The following LRP2 variants were observed in gnomAD, a reference collection of about 807,000 sequenced individuals.
LRP2 encodes the protein low-density lipoprotein receptor-related protein 2.
A neutral mutation model predicts 531.0 loss-of-function variants in LRP2; 172 were observed. That is an observed-to-expected ratio of 0.32 (90% CI 0.29 to 0.37). LRP2 has a LOEUF of 0.37. Ranked by LOEUF, LRP2 falls within the 10% of genes least tolerant of loss-of-function variation. LRP2 has a pLI of 1.00. For synonymous variants in LRP2, 1,992 were observed against 2,027.6 expected (o/e 0.98, Z 0.47); for missense variants, 5,167 against 5,868.3 (o/e 0.88, Z 3.90).
Position 169,182,159 on chromosome 2 carries a change from G to C in LRP2, c.9998+8C>G, listed in dbSNP as rs763628511. ...AAAGAAAAGCCCAGGATTGCAGGGAGACAATACCCATATTGAGGGTGAAGG... is the reference window on the plus strand; with the variant it reads ...AAAGAAAAGCCCAGGATTGCAGGGACACAATACCCATATTGAGGGTGAAGG... On this transcript the variant is annotated splice_region_variant and intron_variant, in intron 51 of 78. Coordinates refer to ENST00000649046, the MANE Select transcript of LRP2 (RefSeq NM_004525.3). 6.2e-7 allele frequency: 1 copy of C among 1,614,062 alleles called. No individual in the cohort carries two copies. Among genetic ancestry groups the C allele is most frequent in the Non-Finnish European group, 8.5e-7 (1 of 1,179,970 alleles).
rs925936001 is a variant in LRP2, at chr2:169,320,782, C to T, written c.182G>A (p.Gly61Asp). The T allele has an allele frequency of 6.2e-7, 1 of 1,613,910 alleles. No individual in the cohort carries two copies. The highest frequency in any genetic ancestry group is 8.5e-7 in the Non-Finnish European group (1 of 1,179,790). Reference protein sequence around the residue: ...KDCSDDADEIGCAVVTCQQGY... With the variant: ...KDCSDDADEIDCAVVTCQQGY... ...CCTGGCCCCTCCTCACTTACCGCAG[C>T]CAATTTCATCCGCGTCATCTGAACA... is the stretch of plus-strand genomic sequence containing the variant. Residue 61 changes from glycine (G) to aspartate (D), a missense_variant, in exon 2 of 79, where the codon GGC (glycine) becomes GAC (aspartate). Coordinates refer to ENST00000649046, the MANE Select transcript of LRP2 (RefSeq NM_004525.3).
intron 38 of LRP2, among the ~76,000 whole-genome samples, chr2:169,208,794 G>A (rs1470149761): frequency 6.6e-6 from 1 of 152,070 alleles, no homozygotes; most frequent in Admixed American, 6.6e-5. Context: ...TACTCACCAA[G>A]CTTGATTCAA....
At chr2:169,356,241 C>T (rs972102706) in intron 1 of LRP2, among the ~76,000 whole-genome samples, 5 of 152,144 alleles carry the variant, frequency 3.3e-5, no homozygotes, top group Non-Finnish European at 5.9e-5. Flanking sequence ...GACAGTTTAA[C>T]TTAGTTTTGT....
chr2:169,152,989 G>T, intron 66 of LRP2, 25 bp from the exon 67 acceptor site: 1 of 1,611,516 alleles, frequency 6.2e-7, no homozygotes, highest in Non-Finnish European at 8.5e-7. Flanking sequence ...ACACAGGTCA[G>T]TTTCATGTCA....
chr2:169,246,977 G>T lies in LRP2; in HGVS notation c.2918C>A (p.Ala973Asp). 6.2e-7 allele frequency: 1 copy of T among 1,614,072 alleles called. No homozygotes were observed. The change falls in exon 21 of 79, where the codon GCC becomes GAC. Residue 973 changes from alanine (A) to aspartate (D), a missense_variant. Ala to Asp is a moderately radical substitution (Grantham distance 126). Around this residue, in one of 6 missense-constraint regions of LRP2, gnomAD observed 2,811 missense variants for 3,058.0 expected, o/e 0.92. Coordinates refer to ENST00000649046, the MANE Select transcript of LRP2 (RefSeq NM_004525.3). ...YDVNIQTGSN[A>D]CNQPTHPNGD... ...GTTAGGATGCGTGGGTTGATTACAG[G>T]CGTTAGAACCTGCAAAAGCAAAGCC...
chr2:169,201,932 A>G, intron 43 of LRP2, 62 bp from the exon 44 acceptor site: 1 of 1,597,080 alleles, frequency 6.3e-7, no homozygotes, highest in South Asian at 1.1e-5. Flanking sequence ...TAATTTTTAA[A>G]AAGATACAAT....
intron 1 of LRP2, among the ~76,000 whole-genome samples, chr2:169,333,054 C>T (rs1037213630): frequency 2.0e-5 from 3 of 151,952 alleles, no homozygotes; most frequent in African/African-American, 7.3e-5. Context: ...AAAAGATTTC[C>T]AACAATAAGT....
intron 56 of LRP2, among the ~76,000 whole-genome samples, chr2:169,173,615 T>C (rs1687080078): frequency 6.6e-6 from 1 of 152,214 alleles, no homozygotes; most frequent in South Asian, 2.1e-4. Flanking sequence ...CTCATAACAT[T>C]TCTCTGTGGC....
chr2:169,156,150 C>A (rs561412118), intron 65 of LRP2, 124 bp downstream of exon 65: 7 of 1,320,194 alleles, frequency 5.3e-6, no homozygotes, highest in South Asian at 1.3e-5. Context: ...AAGCAGCTGG[C>A]GAGTTTAAAA....
At chr2:169,328,456 A>G (rs1456689864) in intron 1 of LRP2, among the ~76,000 whole-genome samples, 9 of 147,190 alleles carry the variant, frequency 6.1e-5, no homozygotes, top group South Asian at 4.2e-4. Flanking sequence ...AAAAAAAAAA[A>G]AAAAAAAAGA....
At chr2:169,333,553 T>A (rs831025) in intron 1 of LRP2, among the ~76,000 whole-genome samples, 54,109 of 151,302 alleles carry the variant, frequency 0.36, 9,983 homozygotes, top group African/African-American at 0.42. Context: ...ACAAGAGTAC[T>A]TCTTATCCTA....
At chr2:169,247,130 G>T in intron 20 of LRP2, 144 bp from the exon 21 acceptor site, 5 of 1,059,450 alleles carry the variant, frequency 4.7e-6, no homozygotes, top group Non-Finnish European at 6.9e-6. Flanking sequence ...AAATCAACCC[G>T]CCAAATACAA....
At chr2:169,337,405 C>T (rs1685435674) in intron 1 of LRP2, among the ~76,000 whole-genome samples, 1 of 152,098 alleles carries the variant, frequency 6.6e-6, no homozygotes. Context: ...TTTGCTAATG[C>T]CAGAAACCTC....
intron 69 of LRP2, among the ~76,000 whole-genome samples, chr2:169,146,168 G>T (rs893857036): frequency 3.9e-5 from 6 of 152,024 alleles, no homozygotes; most frequent in Non-Finnish European, 8.8e-5. Flanking sequence ...CCAATCACAG[G>T]GCCCTAGCTC....
rs1043017926 is a variant in LRP2 at position 169,138,760 on chromosome 2, A to C, written c.13389-54T>G. 5.0e-6 allele frequency: 8 copies of C among 1,603,338 alleles called. No individual in the cohort carries two copies. In the African/African-American group the frequency reaches 9.4e-5, roughly 19 times the overall value. Reference sequence around the variant, plus strand: ...TGTTATTTAAAACAACAACAACAAAAACAACAAATACAACCTTTCACAATA... The same window carrying C: ...TGTTATTTAAAACAACAACAACAAACACAACAAATACAACCTTTCACAATA... On this transcript the variant is annotated intron_variant, in intron 74 of 78. Coordinates refer to ENST00000649046, the MANE Select transcript of LRP2 (RefSeq NM_004525.3).
chr2:169,205,377 T>C (rs555935695), intron 41 of LRP2, 102 bp downstream of exon 41: 2 of 1,263,528 alleles, frequency 1.6e-6, no homozygotes, highest in African/African-American at 1.5e-5. Context: ...GCAATGTCTA[T>C]CTGGCATGCT....
rs1689588110 is a variant in LRP2 at position 169,235,930 on chromosome 2, T to C, written c.4830A>G (p.Arg1610=). ...GATAGGAGTCCATGAAGTAGAGCAG[T>C]CTGTTGGGGTAGTCAATAGTTAAGC... The part of the protein sequence containing the change: ...PCGLTIDYPN[R]LLYFMDSYLD... Residue 1610 remains arginine (R), a synonymous_variant, in exon 29 of 79, where the codon AGA becomes AGG. Transcript: ENST00000649046. 1 of 1,614,128 alleles carries C rather than the reference T, an allele frequency of 6.2e-7. No homozygotes were observed.
In LRP2 at chr2:169,243,532, T is replaced by C; in HGVS notation, c.3431-10A>G. The C allele has an allele frequency of 6.2e-7, 1 of 1,613,962 alleles. No homozygotes were observed. The highest frequency in any genetic ancestry group is 8.5e-7 in the Non-Finnish European group (1 of 1,179,888). On this transcript the variant is annotated splice_polypyrimidine_tract_variant and intron_variant, in intron 22 of 78. Transcript: ENST00000649046. ...CATGTCTCTGTCGAATCTAATGTCA[T>C]CCGAAAACAAAACCAACAAGTTTAT...
At chr2:169,152,777 G>A in intron 67 of LRP2, 22 bp downstream of exon 67, 2 of 1,613,508 alleles carry the variant, frequency 1.2e-6, no homozygotes, top group Non-Finnish European at 1.7e-6. Flanking sequence ...ACAGGTAAGG[G>A]GGGAATGTAT....
Sources: allele counts gnomAD v4.1 joint callset (sites outside exome capture counted in the v4.1 genomes callset), GRCh38; gene constraint gnomAD v4.1.1; regional missense constraint gnomAD v4.1.1; transcripts MANE v1.5; gene names NCBI Gene and HGNC (gene_info 2026-07-23, HGNC 2026-07-21).